The following ARMC8 variants were observed in gnomAD, a reference collection of about 807,000 sequenced individuals.
ARMC8 encodes armadillo repeat containing 8.
In ARMC8, 20 loss-of-function variants were observed where a neutral mutation model predicts 99.3. That is an observed-to-expected ratio of 0.20 (90% CI 0.14 to 0.29). The LOEUF is 0.29. ARMC8 is among the 10% of genes least tolerant of loss of function. ARMC8 has a pLI of 1.00. For synonymous variants in ARMC8, 263 were observed against 278.3 expected, an observed-to-expected ratio of 0.95 and a Z score of 0.55; for missense variants, 569 against 809.5, an observed-to-expected ratio of 0.70 and a Z score of 3.60.
intron 12 of ARMC8, chr3:138,263,526 CGCCTGTCATTCA>C (rs2047962328): frequency 1.7e-6 from 1 of 586,140 alleles, no homozygotes; most frequent in Non-Finnish European, 3.1e-6. Flanking sequence ...CTGCCCCTTA[CGCCTGTCATTCA>C]GCCTGGCAGG....
intron 12 of ARMC8, among the ~76,000 whole-genome samples, chr3:138,263,220 T>C (rs1427297352): frequency 6.6e-6 from 1 of 152,268 alleles, no homozygotes. Context: ...ATTATAGTGA[T>C]TATATGTAGC....
At chr3:138,203,478 A>T (rs1352300629) in intron 1 of ARMC8, among the ~76,000 whole-genome samples, 19 of 152,180 alleles carry the variant, frequency 1.2e-4, no homozygotes, top group Non-Finnish European at 4.4e-5. Flanking sequence ...AAGCTCACTC[A>T]TGTGGTTGTT....
At chr3:138,252,317 G>GT (rs2047155654) in intron 12 of ARMC8, among the ~76,000 whole-genome samples, 1 of 152,108 alleles carries the variant, frequency 6.6e-6, no homozygotes, top group African/African-American at 2.4e-5. Context: ...ACTTTTGACT[G>GT]TTTTGCACTA....
At chr3:138,252,102 T>C (rs1195198931) in intron 12 of ARMC8, among the ~76,000 whole-genome samples, 1 of 152,252 alleles carries the variant, frequency 6.6e-6, no homozygotes, top group East Asian at 1.9e-4. Context: ...AATAAAGTGC[T>C]AGCATAGAGG....
chr3:138,248,378 A>C (rs1271242253), intron 12 of ARMC8, among the ~76,000 whole-genome samples: 2 of 152,250 alleles, frequency 1.3e-5, no homozygotes, highest in African/African-American at 4.8e-5. Flanking sequence ...CAGTAACTGC[A>C]ATGACAGCAA....
At chr3:138,265,264 C>G (rs992345074) in intron 14 of ARMC8, among the ~76,000 whole-genome samples, 1 of 151,814 alleles carries the variant, frequency 6.6e-6, no homozygotes, top group African/African-American at 2.4e-5. Context: ...TTGTCCCCCC[C>G]AAAAAAGGTT....
intron 12 of ARMC8, among the ~76,000 whole-genome samples, chr3:138,256,441 G>T (rs1306197280): frequency 2.6e-5 from 3 of 116,840 alleles, no homozygotes; most frequent in African/African-American, 1.0e-4. Flanking sequence ...ACGGAGTCTC[G>T]CTCTTTTCGC....
intron 5 of ARMC8, 76 bp downstream of exon 5, chr3:138,223,809 A>T: frequency 8.3e-7 from 1 of 1,201,416 alleles, no homozygotes; most frequent in Non-Finnish European, 1.2e-6. Flanking sequence ...GCATCTTCAG[A>T]CTCATCATAA....
intron 12 of ARMC8, among the ~76,000 whole-genome samples, chr3:138,250,236 A>C (rs934812719): frequency 2.0e-5 from 3 of 152,212 alleles, no homozygotes; most frequent in African/African-American, 7.2e-5. Context: ...GATATAATGT[A>C]CTTAAAATGT....
At chr3:138,246,738 T>C (rs2046898780) in intron 12 of ARMC8, 6 of 985,558 alleles carry the variant, frequency 6.1e-6, no homozygotes, top group Middle Eastern at 5.2e-4. Context: ...ATTTGTGATA[T>C]CATGTTCTAG....
chr3:138,265,403 G>A (rs2048183535), intron 14 of ARMC8, among the ~76,000 whole-genome samples: 1 of 152,082 alleles, frequency 6.6e-6, no homozygotes, highest in Admixed American at 6.5e-5. Context: ...CATATACCTT[G>A]CATTTAGTCA....
In ARMC8 at chr3:138,217,411, T is replaced by C. The variant is rs1230269144; in HGVS notation, c.123-4515T>C. Among the ~76,000 whole-genome samples, 4 of 151,984 alleles carry C rather than the reference T, an allele frequency of 2.6e-5. No homozygotes were observed. The East Asian group carries it at 7.7e-4, about 29-fold the overall frequency. On this transcript the variant is annotated intron_variant, in intron 2 of 21. Transcript: ENST00000469044. ...CAGCAGGTCTAGATCCTTTTTTTTTTTTTTTCTTTTTTCTGTTATTTTAAT... is the reference window on the plus strand; with the variant it reads ...CAGCAGGTCTAGATCCTTTTTTTTTCTTTTTCTTTTTTCTGTTATTTTAAT...
chr3:138,214,888 A>C (rs2108047440), intron 2 of ARMC8, among the ~76,000 whole-genome samples: 1 of 152,242 alleles, frequency 6.6e-6, no homozygotes, highest in East Asian at 1.9e-4. Flanking sequence ...CGAACTCCTG[A>C]CCTCAAGTGA....
chr3:138,217,253 G>C (rs573386991), intron 2 of ARMC8, among the ~76,000 whole-genome samples: 1 of 152,112 alleles, frequency 6.6e-6, no homozygotes, highest in South Asian at 2.1e-4. Context: ...TTTTTAGCTT[G>C]GGTCTCCAGT....
At chr3:138,262,449 A>G (rs755939051) in intron 12 of ARMC8, 1 of 1,431,968 alleles carries the variant, frequency 7.0e-7, no homozygotes, top group South Asian at 1.2e-5. Flanking sequence ...GTTAATTTCA[A>G]CAATATTTTC....
At chr3:138,261,679 T>C (rs559312571) in intron 12 of ARMC8, 1 of 152,320 alleles carries the variant, frequency 6.6e-6, no homozygotes, top group South Asian at 2.1e-4. Context: ...GTTTGGACAC[T>C]TAAACGTCTT....
At chr3:138,257,789 A>G (rs2047480642) in intron 12 of ARMC8, among the ~76,000 whole-genome samples, 2 of 152,158 alleles carry the variant, frequency 1.3e-5, no homozygotes, top group African/African-American at 2.4e-5. Context: ...CTAAATTGCC[A>G]TCCGCACCCA....
At chr3:138,285,769 G>A (rs2050348682) in intron 19 of ARMC8, among the ~76,000 whole-genome samples, 1 of 152,052 alleles carries the variant, frequency 6.6e-6, no homozygotes, top group Non-Finnish European at 1.5e-5. Flanking sequence ...ATGGTGTCTG[G>A]CCCTTAGCAT....
At chr3:138,228,593 C>T (rs2045816863) in intron 5 of ARMC8, 1 of 429,982 alleles carries the variant, frequency 2.3e-6, no homozygotes, top group Non-Finnish European at 4.6e-6. Flanking sequence ...CTAGTTACCT[C>T]ACATTTTGGT....
Sources: gnomAD v4.1 joint callset for allele counts (sites outside exome capture counted in the v4.1 genomes callset) on GRCh38, gnomAD v4.1.1 for gene constraint, MANE v1.5 for transcripts, NCBI Gene and HGNC (gene_info 2026-07-23, HGNC 2026-07-21) for gene names.